Variants in EVC2 observed in about 807,000 individuals in gnomAD.
EVC2 encodes the protein EvC ciliary complex subunit 2.
EVC2 carries 148 observed loss-of-function variants against 149.3 expected under a neutral mutation model. The observed-to-expected ratio is 0.99, with a 90% CI of 0.87 to 1.14. EVC2 has a LOEUF of 1.14. EVC2 is among the 50% of genes most tolerant of loss of function. The pLI is 0.00. For synonymous variants in EVC2, 776 were observed against 649.9 expected, an observed-to-expected ratio of 1.19 and a Z score of -2.95; for missense variants, 1,854 against 1,627.3, an observed-to-expected ratio of 1.14 and a Z score of -2.40.
intron 17 of EVC2, among the ~76,000 whole-genome samples, chr4:5,577,143 T>G (rs542550818): frequency 2.6e-5 from 4 of 152,366 alleles, no homozygotes; most frequent in African/African-American, 9.6e-5. Context: ...TCTTGCTTTA[T>G]AGGTAAAGGA....
At position 5,633,047 on chromosome 4, in the gene EVC2, G is replaced by A. The variant is rs776942869; in HGVS notation, c.1471-1015C>T. On this transcript the variant is annotated intron_variant, in intron 10 of 21. Coordinates refer to ENST00000344408, the MANE Select transcript of EVC2 (RefSeq NM_147127.5). This position sits in a 1 kb window ranked among gnomAD's most constrained non-coding sequence, Gnocchi z 4.4. Reference sequence around the variant, plus strand: ...CAGTTGACTTTGAATTAATCAAAAGGAAGACTCTCCTGGGTGGGCCTGACT... The same window carrying A: ...CAGTTGACTTTGAATTAATCAAAAGAAAGACTCTCCTGGGTGGGCCTGACT... Among the ~76,000 whole-genome samples, 13 of 152,286 alleles carry A rather than the reference G, an allele frequency of 8.5e-5. No homozygotes were observed. Among genetic ancestry groups the A allele is most frequent in the Non-Finnish European group, 1.9e-4 (13 of 68,020 alleles).
chr4:5,701,892 A>G (rs569921618), intron 1 of EVC2, among the ~76,000 whole-genome samples: 13 of 152,194 alleles, frequency 8.5e-5, no homozygotes, highest in African/African-American at 2.2e-4. Context: ...TCTACCTTGA[A>G]AAAACATCCA....
Position 5,622,363 on chromosome 4 carries a change from A to G in EVC2, c.2501+174T>C, listed in dbSNP as rs1715751223. 6.6e-6 allele frequency among the ~76,000 whole-genome samples: 1 copy of G among 151,918 alleles called. No homozygotes were observed. Among genetic ancestry groups the G allele is most frequent in the Non-Finnish European group, 1.5e-5 (1 of 67,986 alleles). On this transcript the variant is annotated intron_variant, in intron 14 of 21. Coordinates refer to ENST00000344408, the MANE Select transcript of EVC2 (RefSeq NM_147127.5). The surrounding 1 kb of genome is among the most constrained non-coding windows in gnomAD (Gnocchi z 5.8). ...CTCAATCCTTGTAGGGTCCTGCGTGACATTCGAGGTCCTCCCCCCGGGGCG... is the reference window on the plus strand; with the variant it reads ...CTCAATCCTTGTAGGGTCCTGCGTGGCATTCGAGGTCCTCCCCCCGGGGCG...
At chr4:5,652,115 G>A (rs1718187777) in intron 9 of EVC2, among the ~76,000 whole-genome samples, 1 of 152,206 alleles carries the variant, frequency 6.6e-6, no homozygotes, top group African/African-American at 2.4e-5. Context: ...CCTCTGGCTG[G>A]TGTGTGAATG....
intron 6 of EVC2, among the ~76,000 whole-genome samples, chr4:5,685,082 T>G (rs1720602471): frequency 6.6e-6 from 1 of 152,214 alleles, no homozygotes; most frequent in African/African-American, 2.4e-5. Context: ...GCTTACAGTG[T>G]GCAGGACACA....
the EVC2 span, among the ~76,000 whole-genome samples, chr4:5,534,779 A>C: frequency 2.7e-4 from 39 of 145,492 alleles, no homozygotes; most frequent in Admixed American, 7.1e-5. Context: ...TTTCCTCTGC[A>C]GTTCACAGTG....
chr4:5,663,672 G>A (rs1043694096), intron 8 of EVC2, among the ~76,000 whole-genome samples: 1 of 152,182 alleles, frequency 6.6e-6, no homozygotes, highest in Non-Finnish European at 1.5e-5. Flanking sequence ...TGTAATCCCA[G>A]CACTTTGGGA....
At chr4:5,674,125 C>T (rs1016307231) in intron 7 of EVC2, among the ~76,000 whole-genome samples, 1 of 152,190 alleles carries the variant, frequency 6.6e-6, no homozygotes, top group South Asian at 2.1e-4. Context: ...GGGTGAGTGG[C>T]TTGCTGGCCC....
chr4:5,592,561 T>G (rs1577128994), intron 16 of EVC2, among the ~76,000 whole-genome samples: 1 of 152,162 alleles, frequency 6.6e-6, no homozygotes, highest in African/African-American at 2.4e-5. Flanking sequence ...TTGCAGCTGG[T>G]GCCAGGGAAC....
intron 8 of EVC2, among the ~76,000 whole-genome samples, chr4:5,664,971 G>A (rs912297963): frequency 2.7e-5 from 4 of 147,892 alleles, no homozygotes; most frequent in African/African-American, 5.0e-5. Flanking sequence ...GATGGGGTGC[G>A]TGTGGGTGAC....
chr4:5,597,736 G>T (rs1348877511), intron 16 of EVC2, among the ~76,000 whole-genome samples: 1 of 137,974 alleles, frequency 7.2e-6, no homozygotes, highest in Admixed American at 7.5e-5. Flanking sequence ...GGCAGGAGAA[G>T]GAAATAAAGG....
rs548051037 is a variant in EVC2 at position 5,670,490 on chromosome 4, C to T, written c.871-4841G>A. Among the ~76,000 whole-genome samples, 95 of 151,970 alleles carry T rather than the reference C, an allele frequency of 6.3e-4. 1 individual carries two copies. Among genetic ancestry groups the T allele is most frequent in the Middle Eastern group, 6.9e-3 (2 of 290 alleles). On this transcript the variant is annotated intron_variant, in intron 7 of 21. Transcript: ENST00000344408. The surrounding 1 kb of genome is among the most constrained non-coding windows in gnomAD (Gnocchi z 5.2). ...TTCATCATCACCATCCCCACCATCA[C>T]CATCACCACCATCACCATCGCCACC...
At chr4:5,561,883 TC>T (rs1172007991), downstream of EVC2, among the ~76,000 whole-genome samples, 1 of 152,140 alleles carries the variant, frequency 6.6e-6, no homozygotes, top group Non-Finnish European at 1.5e-5. Flanking sequence ...ATCGCTTTTT[TC>T]CCTTGCTGGT....
At chr4:5,627,870 TG>T (rs1716230856) in intron 12 of EVC2, among the ~76,000 whole-genome samples, 1 of 152,146 alleles carries the variant, frequency 6.6e-6, no homozygotes, top group Admixed American at 6.5e-5. Flanking sequence ...TTCCATCACA[TG>T]GTCCATGTGA....
At chr4:5,690,074 T>C (rs1357380357) in intron 4 of EVC2, among the ~76,000 whole-genome samples, 3 of 152,242 alleles carry the variant, frequency 2.0e-5, no homozygotes, top group African/African-American at 7.2e-5. Context: ...GTGTGTAATA[T>C]ACTGCCACCT....
chr4:5,537,519 C>G, the EVC2 span, among the ~76,000 whole-genome samples: 1 of 152,102 alleles, frequency 6.6e-6, no homozygotes, highest in Non-Finnish European at 1.5e-5. Flanking sequence ...GAATCATTAG[C>G]CATAGACTAA....
downstream of EVC2, chr4:5,562,360 C>T (rs1169396049): frequency 1.1e-5 from 9 of 832,820 alleles, no homozygotes; most frequent in Non-Finnish European, 1.3e-5. The surrounding 1 kb of genome is among the most constrained non-coding windows in gnomAD (Gnocchi z 4.3). Flanking sequence ...TTGAACACCA[C>T]ACAGGGAACA....
Position 5,550,196 on chromosome 4 carries a change from T to C in EVC2, c.3420-6984A>G, listed in dbSNP as rs554846427. 2.0e-5 allele frequency among the ~76,000 whole-genome samples: 3 copies of C among 152,302 alleles called. No homozygotes were observed. The South Asian group carries it at 6.2e-4, about 32-fold the overall frequency. Reference sequence around the variant, plus strand: ...AAAAATGTGGAAGCAACTTTGGAACTGGGTATCAGACATGTTGGAACAGTT... The same window carrying C: ...AAAAATGTGGAAGCAACTTTGGAACCGGGTATCAGACATGTTGGAACAGTT... On this transcript the variant is annotated intron_variant and NMD_transcript_variant, in intron 21 of 22. Transcript: ENST00000475313.
chr4:5,648,243 T>C (rs1465390364), intron 9 of EVC2, among the ~76,000 whole-genome samples: 3 of 152,212 alleles, frequency 2.0e-5, no homozygotes, highest in African/African-American at 7.2e-5. Flanking sequence ...CACTGATCTA[T>C]CTAGAGCTGA....
Sources: allele counts gnomAD v4.1 joint callset (sites outside exome capture counted in the v4.1 genomes callset), GRCh38; gene constraint gnomAD v4.1.1; non-coding constraint Gnocchi (gnomAD v3.1); transcripts MANE v1.5; gene names NCBI Gene and HGNC (gene_info 2026-07-23, HGNC 2026-07-21).